The following KLF8 variants were observed in gnomAD, a reference collection of about 807,000 sequenced individuals.
KLF8 encodes the protein KLF transcription factor 8.
KLF8 carries 10 observed loss-of-function variants against 18.2 expected under a neutral mutation model. That is an observed-to-expected ratio of 0.55 (90% CI 0.34 to 0.93). The LOEUF (loss-of-function observed/expected upper bound fraction) is 0.93, where lower values mean the gene tolerates loss of function less well. Ranked by LOEUF, KLF8 falls within the 40% of genes least tolerant of loss-of-function variation. KLF8 has a pLI of 0.02. For missense variants in KLF8, 264 were observed against 277.9 expected, an observed-to-expected ratio of 0.95 and a Z score of 0.36; for synonymous variants, 109 against 97.3, an observed-to-expected ratio of 1.12 and a Z score of -0.71.
the KLF8 span, among the ~76,000 whole-genome samples, chrX:56,026,022 C>T: frequency 1.8e-5 from 2 of 112,155 alleles, no homozygotes; most frequent in Non-Finnish European, 3.8e-5. Flanking sequence ...TTCGGCCGTG[C>T]GTAGACCAGT....
the KLF8 span, among the ~76,000 whole-genome samples, chrX:56,052,367 T>A: frequency 2.9e-5 from 3 of 104,717 alleles, no homozygotes; most frequent in South Asian, 4.1e-4. Context: ...GTTTCCAGTT[T>A]TTCTGTTCTG....
the KLF8 span, among the ~76,000 whole-genome samples, chrX:56,057,379 G>A: frequency 9.0e-6 from 1 of 111,387 alleles, no homozygotes; most frequent in Non-Finnish European, 1.9e-5. Flanking sequence ...GCAGTGGAAG[G>A]GCAGGGTGCA....
chrX:56,178,896 A>G, the KLF8 span, among the ~76,000 whole-genome samples: 3 of 112,241 alleles, frequency 2.7e-5, no homozygotes, highest in African/African-American at 9.7e-5. Context: ...GCCTTGTACT[A>G]TAGCTTGAAG....
chrX:55,957,858 G>T, the KLF8 span, among the ~76,000 whole-genome samples: 1 of 111,064 alleles, frequency 9.0e-6, no homozygotes, highest in African/African-American at 3.3e-5. Flanking sequence ...TTTGTTCCAG[G>T]CATTAAGTGT....
chrX:55,991,887 C>G, the KLF8 span, among the ~76,000 whole-genome samples: 1 of 112,065 alleles, frequency 8.9e-6, no homozygotes, highest in African/African-American at 3.2e-5. Context: ...TGCTTCTTGT[C>G]CACTTGTATG....
the KLF8 span, among the ~76,000 whole-genome samples, chrX:55,960,833 A>G: frequency 8.9e-6 from 1 of 111,870 alleles, no homozygotes; most frequent in African/African-American, 3.2e-5. Flanking sequence ...AATTTCTCAC[A>G]TATCAGACTA....
the KLF8 span, among the ~76,000 whole-genome samples, chrX:56,151,238 C>T: frequency 2.7e-5 from 3 of 111,144 alleles, no homozygotes; most frequent in Admixed American, 9.6e-5. Context: ...AAGGCCCATT[C>T]GAAAGGTTTA....
At chrX:55,947,481 C>A in the KLF8 span, among the ~76,000 whole-genome samples, 40 of 73,418 alleles carry the variant, frequency 5.4e-4, no homozygotes, top group African/African-American at 2.2e-3. Flanking sequence ...ACTCTGGGGA[C>A]TGTTGTGGGG....
chrX:56,137,779 C>CAA, the KLF8 span, among the ~76,000 whole-genome samples: 1 of 99,717 alleles, frequency 1.0e-5, no homozygotes, highest in African/African-American at 3.6e-5. Flanking sequence ...AACAAAGAAA[C>CAA]AAAAAAAAAA....
chrX:56,209,272 A>G, the KLF8 span, among the ~76,000 whole-genome samples: 1 of 109,367 alleles, frequency 9.1e-6, no homozygotes, highest in East Asian at 2.9e-4. Flanking sequence ...TAATATAGTT[A>G]CTCCTGCTCT....
At chrX:56,152,188 T>G in the KLF8 span, among the ~76,000 whole-genome samples, 1 of 111,877 alleles carries the variant, frequency 8.9e-6, no homozygotes, top group Non-Finnish European at 1.9e-5. Flanking sequence ...CCAGTTGCTG[T>G]CTAAATGAAT....
At chrX:56,227,860 A>G (rs965587075), upstream of KLF8, among the ~76,000 whole-genome samples, 4 of 92,808 alleles carry the variant, frequency 4.3e-5, no homozygotes, top group Non-Finnish European at 8.5e-5. Flanking sequence ...ATACATACTC[A>G]ACCCCCTAGC....
the KLF8 span, among the ~76,000 whole-genome samples, chrX:56,141,036 G>A: frequency 3.1e-4 from 35 of 111,872 alleles, no homozygotes; most frequent in African/African-American, 1.1e-3. Flanking sequence ...CTGGATTGCA[G>A]TAGCACAATC....
the KLF8 span, among the ~76,000 whole-genome samples, chrX:56,017,742 T>G: frequency 9.0e-6 from 1 of 111,727 alleles, no homozygotes; most frequent in Non-Finnish European, 1.9e-5. Flanking sequence ...TAGTTAAAGA[T>G]AAAAGAAGGA....
chrX:56,045,485 T>G, the KLF8 span, among the ~76,000 whole-genome samples: 1 of 112,291 alleles, frequency 8.9e-6, no homozygotes. Context: ...AGATTGCTTT[T>G]AGCAGTATGG....
intron 1 of KLF8, among the ~76,000 whole-genome samples, chrX:56,248,214 C>T (rs954011694): frequency 1.6e-4 from 18 of 109,671 alleles, no homozygotes; most frequent in Non-Finnish European, 2.9e-4. Context: ...ATGTAAATGA[C>T]GAGTTAATGG....
the KLF8 span, among the ~76,000 whole-genome samples, chrX:56,013,319 A>G: frequency 8.9e-6 from 1 of 112,542 alleles, no homozygotes; most frequent in Non-Finnish European, 1.9e-5. Flanking sequence ...GCCCCATTGT[A>G]TCTAGAAAGT....
the KLF8 span, among the ~76,000 whole-genome samples, chrX:56,190,188 T>G: frequency 9.0e-6 from 1 of 111,220 alleles, no homozygotes; most frequent in East Asian, 2.8e-4. Context: ...AGCTATACTT[T>G]TATCAGACAA....
chrX:56,021,233 G>T, the KLF8 span, among the ~76,000 whole-genome samples: 1 of 111,771 alleles, frequency 8.9e-6, no homozygotes, highest in African/African-American at 3.3e-5. Context: ...CTTATTTCAT[G>T]CAACTTAATG....
Sources: gnomAD v4.1 joint callset for allele counts (sites outside exome capture counted in the v4.1 genomes callset) on GRCh38, gnomAD v4.1.1 for gene constraint, MANE v1.5 for transcripts, NCBI Gene and HGNC (gene_info 2026-07-23, HGNC 2026-07-21) for gene names.